The following AP5S1 variants were observed in gnomAD, a reference collection of about 807,000 sequenced individuals.
AP5S1 encodes the protein adaptor related protein complex 5 subunit sigma 1.
A neutral mutation model predicts 13.9 loss-of-function variants in AP5S1; 13 were observed. That is an observed-to-expected ratio of 0.94 (90% CI 0.61 to 1.49). The LOEUF is 1.49. Among genes scored for constraint, AP5S1 ranks in the 40% most tolerant of loss-of-function variants. The probability of loss-of-function intolerance (pLI) is 0.00; values close to 1 mark genes in which losing one functional copy is unlikely to be tolerated. For missense variants in AP5S1, 292 were observed against 272.3 expected, an observed-to-expected ratio of 1.07 and a Z score of -0.51; for synonymous variants, 132 against 121.8, an observed-to-expected ratio of 1.08 and a Z score of -0.55.
In AP5S1 at chr20:3,824,397, C is replaced by T. The variant is rs1306871527; in HGVS notation, c.*100C>T. On this transcript the variant is annotated 3_prime_UTR_variant, in exon 3 of 3. Coordinates refer to ENST00000615891, the MANE Select transcript of AP5S1 (RefSeq NM_018347.3). ...CCTACCCAGCAGCTCTGATGTGCTG[C>T]TATACCAGGACAAGTGGGTGACACA... The T allele has an allele frequency of 8.1e-7, 1 of 1,239,352 alleles. No individual in the cohort carries two copies. Among genetic ancestry groups the T allele is most frequent in the Admixed American group, 2.3e-5 (1 of 43,892 alleles). The allele number at this position is 1,239,352 out of a possible 1,614,324, so 76.8% of individuals were successfully genotyped here.
In AP5S1 at chr20:3,824,199, A is replaced by T; in HGVS notation, c.505A>T (p.Ile169Phe). 2 of 1,614,186 alleles carry T rather than the reference A, an allele frequency of 1.2e-6. No individual in the cohort carries two copies. Among genetic ancestry groups the T allele is most frequent in the South Asian group, 2.2e-5 (2 of 91,088 alleles). ...GCTGCGGGCTGACCGCATTGAGGGC[A>T]TCCTCACCCGCTTCCTGCCACATGG... ...LLLRADRIEG[I>F]LTRFLPHGQL... Residue 169 changes from isoleucine (I) to phenylalanine (F), a missense_variant, in exon 3 of 3, where the codon ATC becomes TTC. Ile to Phe is a conservative substitution (Grantham distance 21). Transcript: ENST00000615891.
At position 3,824,493 on chromosome 20, in the gene AP5S1, A is replaced by G. The variant is rs1393719483; in HGVS notation, c.*196A>G. On this transcript the variant is annotated 3_prime_UTR_variant, in exon 3 of 3. Coordinates refer to ENST00000615891, the MANE Select transcript of AP5S1 (RefSeq NM_018347.3). The stretch of plus-strand genomic sequence containing the variant: ...TGTCCTCAGGTTAGTGGAACCACAG[A>G]ACTTCCTGAGCCTAGAGCTGCTGTG... 3 of 621,348 alleles carry G rather than the reference A, an allele frequency of 4.8e-6. No homozygotes were observed. The highest frequency in any genetic ancestry group is 8.4e-6 in the Non-Finnish European group (3 of 358,950). 38.5% of individuals were successfully genotyped at this position (621,348 alleles called of 1,614,324 possible). A position where few individuals can be genotyped will look rare whatever the true frequency, so the allele number is the denominator to read the frequency against.
chr20:3,821,279 C>T (rs1366242259), intron 1 of AP5S1, among the ~76,000 whole-genome samples: 1 of 152,144 alleles, frequency 6.6e-6, no homozygotes, highest in African/African-American at 2.4e-5. Flanking sequence ...TAACATTGGT[C>T]AAGACTTTTT....
rs570370452 is a variant in AP5S1 at position 3,827,763 on chromosome 20, C to CTT, written c.*3481_*3482dup. 55 of 136,790 alleles carry CTT rather than the reference C, an allele frequency of 4.0e-4. No homozygotes were observed. The highest frequency in any genetic ancestry group is 1.2e-3 in the African/African-American group (45 of 37,094). The allele number at this position is 136,790 out of a possible 1,614,324, so 8.5% of individuals were successfully genotyped here. On this transcript the variant is annotated 3_prime_UTR_variant, in exon 3 of 3. Transcript: ENST00000615891. The stretch of plus-strand genomic sequence containing the variant: ...GGGCTCAATGTTTTCTTTTCTTTTT[C>CTT]TTTTTTTTTTTTTTTTGAGATGGAG...
At chr20:3,820,867 G>A (rs1390200480) in intron 1 of AP5S1, 109 bp downstream of exon 1, 1 of 152,262 alleles carries the variant, frequency 6.6e-6, no homozygotes, top group Non-Finnish European at 1.5e-5. Flanking sequence ...CAGCAATTGG[G>A]TGCTGGGCTC....
chr20:3,820,909 T>C (rs1568521738), intron 1 of AP5S1, 151 bp downstream of exon 1: 1 of 152,210 alleles, frequency 6.6e-6, no homozygotes, highest in East Asian at 1.9e-4. Context: ...GAACCTGCTA[T>C]TTTACCAGTT....
At position 3,827,699 on chromosome 20, in the gene AP5S1, C is replaced by T. The variant is rs2089632588; in HGVS notation, c.*3402C>T. On this transcript the variant is annotated 3_prime_UTR_variant, in exon 3 of 3. Coordinates refer to ENST00000615891, the MANE Select transcript of AP5S1 (RefSeq NM_018347.3). ...CTCCTTTAGGGCAGGGTGTTTTTTT[C>T]TAGCCCTGTGGTGCTGCGCACTGTC... 6.6e-6 allele frequency: 1 copy of T among 151,936 alleles called. No individual in the cohort carries two copies. Among genetic ancestry groups the T allele is most frequent in the South Asian group, 2.1e-4 (1 of 4,822 alleles). 9.4% of individuals were successfully genotyped at this position (151,936 alleles called of 1,614,324 possible).
chr20:3,828,763 A>G lies in AP5S1; in HGVS notation c.*4466A>G, dbSNP rs569199938. Reference sequence around the variant, plus strand: ...ATAGTATTCCATTATGTGGATGTACATTATCTGTTCACCTACTGAAGGACA... The same window carrying G: ...ATAGTATTCCATTATGTGGATGTACGTTATCTGTTCACCTACTGAAGGACA... On this transcript the variant is annotated 3_prime_UTR_variant, in exon 3 of 3. Transcript: ENST00000615891. 2 of 152,368 alleles carry G rather than the reference A, an allele frequency of 1.3e-5. No individual in the cohort carries two copies. The highest frequency in any genetic ancestry group is 2.9e-5 in the Non-Finnish European group (2 of 68,046). The allele number at this position is 152,368 out of a possible 1,614,324, so 9.4% of individuals were successfully genotyped here. A position where few individuals can be genotyped will look rare whatever the true frequency, so the allele number is the denominator to read the frequency against.
Position 3,824,011 on chromosome 20 carries a change from T to G in AP5S1, c.317T>G (p.Phe106Cys). The G allele has an allele frequency of 6.2e-7, 1 of 1,613,574 alleles. No individual in the cohort carries two copies. Among genetic ancestry groups the G allele is most frequent in the Non-Finnish European group, 8.5e-7 (1 of 1,180,012 alleles). The stretch of plus-strand genomic sequence containing the variant: ...TTCCGCCTGGCAGCAGAGAACCCTT[T>G]CCAGGAGCCACGGACGGTGGTGTGG... ...GAFRLAAENP[F>C]QEPRTVVWLG... Residue 106 changes from phenylalanine (F) to cysteine (C), a missense_variant, in exon 3 of 3, where the codon TTC becomes TGC. Physicochemically the swap from Phe to Cys is radical, Grantham distance 205. Transcript: ENST00000615891.
At position 3,826,141 on chromosome 20, in the gene AP5S1, G is replaced by A. The variant is rs1357059395; in HGVS notation, c.*1844G>A. On this transcript the variant is annotated 3_prime_UTR_variant, in exon 3 of 3. Transcript: ENST00000615891. ...GATGGACCCAACTACACCCACTTTG[G>A]AGGCAGCACTGATGATTAGCCCTTC... 2 of 152,176 alleles carry A rather than the reference G, an allele frequency of 1.3e-5. No individual in the cohort carries two copies. The highest frequency in any genetic ancestry group is 1.5e-5 in the Non-Finnish European group (1 of 68,036). 9.4% of individuals were successfully genotyped at this position (152,176 alleles called of 1,614,324 possible).
At position 3,822,201 on chromosome 20, in the gene AP5S1, C is replaced by G; in HGVS notation, c.84C>G (p.Val28=). The part of the protein sequence containing the change: ...TGLCRVLYSC[V]FGAEKSPDDP... ...TTTGCCGAGTGCTGTACTCCTGCGT[C>G]TTCGGTGCTGAGAAGTCACCTGATG... The change falls in exon 2 of 3, where the codon GTC becomes GTG. Residue 28 remains valine (V), a synonymous_variant. Coordinates refer to ENST00000615891, the MANE Select transcript of AP5S1 (RefSeq NM_018347.3). The G allele has an allele frequency of 6.2e-7, 1 of 1,614,198 alleles. No homozygotes were observed. The highest frequency in any genetic ancestry group is 8.5e-7 in the Non-Finnish European group (1 of 1,180,038).
At position 3,822,115 on chromosome 20, in the gene AP5S1, G is replaced by T. The variant is rs755761975; in HGVS notation, c.-3G>T. On this transcript the variant is annotated 5_prime_UTR_variant, in exon 2 of 3. Coordinates refer to ENST00000615891, the MANE Select transcript of AP5S1 (RefSeq NM_018347.3). ...GCTTCCCTGTAGCACCCACCCTGGA[G>T]CCATGGTCCACGCCTTCCTCATTCA... 1 of 1,612,856 alleles carries T rather than the reference G, an allele frequency of 6.2e-7. No homozygotes were observed. The highest frequency in any genetic ancestry group is 8.5e-7 in the Non-Finnish European group (1 of 1,179,448).
rs760107239 is a variant in AP5S1 at position 3,822,228 on chromosome 20, C to G, written c.111C>G (p.Asp37Glu). The change falls in exon 2 of 3, where the codon GAC (aspartate) becomes GAG (glutamate). Residue 37 changes from aspartate (D) to glutamate (E), a missense_variant. Asp to Glu is a conservative substitution (Grantham distance 45, BLOSUM62 2). Coordinates refer to ENST00000615891, the MANE Select transcript of AP5S1 (RefSeq NM_018347.3). ...TCGGTGCTGAGAAGTCACCTGATGA[C>G]CCACGGCCGCATGGTGCCGAGAGGG... ...CVFGAEKSPD[D>E]PRPHGAERDR... The G allele has an allele frequency of 4.3e-6, 7 of 1,614,160 alleles. No homozygotes were observed. Among genetic ancestry groups the G allele is most frequent in the Non-Finnish European group, 5.9e-6 (7 of 1,180,016 alleles).
In AP5S1 at chr20:3,824,168, C is replaced by A. The variant is rs1287133298; in HGVS notation, c.474C>A (p.Ser158Arg). The stretch of plus-strand genomic sequence containing the variant: ...TCCGGCTGCTGGCGCCCAGCACCAG[C>A]CTTCTGCTGCGGGCTGACCGCATTG... ...DHLRLLAPST[S>R]LLLRADRIEG... The change falls in exon 3 of 3, where the codon AGC becomes AGA. Residue 158 changes from serine (S) to arginine (R), a missense_variant. Transcript: ENST00000615891. 8.7e-6 allele frequency: 14 copies of A among 1,614,012 alleles called. No homozygotes were observed. Among genetic ancestry groups the A allele is most frequent in the Non-Finnish European group, 1.2e-5 (14 of 1,180,048 alleles).
At position 3,825,934 on chromosome 20, in the gene AP5S1, C is replaced by A. The variant is rs751768553; in HGVS notation, c.*1637C>A. ...TGGTTAGGAGGTCTTCAATCAGCAGCTTCTAGTGAAGGTTTAAACTTACTC... is the reference window on the plus strand; with the variant it reads ...TGGTTAGGAGGTCTTCAATCAGCAGATTCTAGTGAAGGTTTAAACTTACTC... On this transcript the variant is annotated 3_prime_UTR_variant, in exon 3 of 3. Coordinates refer to ENST00000615891, the MANE Select transcript of AP5S1 (RefSeq NM_018347.3). 1 of 129,564 alleles carries A rather than the reference C, an allele frequency of 7.7e-6. No homozygotes were observed. The highest frequency in any genetic ancestry group is 1.5e-5 in the Non-Finnish European group (1 of 65,174). The allele number at this position is 129,564 out of a possible 1,614,324, so 8.0% of individuals were successfully genotyped here.
intron 2 of AP5S1, 103 bp from the exon 3 acceptor site, chr20:3,823,768 C>T: frequency 1.3e-6 from 2 of 1,519,656 alleles, no homozygotes; most frequent in Non-Finnish European, 1.8e-6. Context: ...AGTTTTCTCA[C>T]TTGAGATATG....
At position 3,824,530 on chromosome 20, in the gene AP5S1, G is replaced by A. The variant is rs965014471; in HGVS notation, c.*233G>A. On this transcript the variant is annotated 3_prime_UTR_variant, in exon 3 of 3. Transcript: ENST00000615891. ...CTAGAGCTGCTGTGTTACTTAGACC[G>A]CTGCCGTGCGGCAGCCACGCTTGTC... 44 of 565,212 alleles carry A rather than the reference G, an allele frequency of 7.8e-5. No homozygotes were observed. The highest frequency in any genetic ancestry group is 5.8e-4 in the African/African-American group (31 of 53,386). The allele number at this position is 565,212 out of a possible 1,614,324, so 35.0% of individuals were successfully genotyped here.
rs368990258 is a variant in AP5S1 at position 3,823,542 on chromosome 20, C to T, written c.177-329C>T. 9.7e-5 allele frequency: 96 copies of T among 985,284 alleles called. No individual in the cohort carries two copies. In the East Asian group the frequency reaches 2.4e-3, roughly 24 times the overall value. The allele number at this position is 985,284 out of a possible 1,614,324, so 61.0% of individuals were successfully genotyped here. On this transcript the variant is annotated intron_variant, in intron 2 of 2. Transcript: ENST00000615891. Reference sequence around the variant, plus strand: ...CTGGGATTACAGGCTTGAGCCACCGCGCCTGGCCAAGCCGCTTCCCTTTCC... The same window carrying T: ...CTGGGATTACAGGCTTGAGCCACCGTGCCTGGCCAAGCCGCTTCCCTTTCC...
chr20:3,823,990 G>A lies in AP5S1; in HGVS notation c.296G>A (p.Arg99His), dbSNP rs750751392. ...PLHEAPRGAF[R>H]LAAENPFQEP... ...CACGAGGCCCCACGTGGGGCTTTCC[G>A]CCTGGCAGCAGAGAACCCTTTCCAG... The change falls in exon 3 of 3, where the codon CGC (arginine) becomes CAC (histidine). Residue 99 changes from arginine (R) to histidine (H), a missense_variant. Transcript: ENST00000615891. The A allele has an allele frequency of 3.3e-5, 54 of 1,612,522 alleles. No homozygotes were observed. Among genetic ancestry groups the A allele is most frequent in the South Asian group, 1.8e-4 (16 of 91,092 alleles).
Sources: gnomAD v4.1 joint callset for allele counts (sites outside exome capture counted in the v4.1 genomes callset) on GRCh38, gnomAD v4.1.1 for gene constraint, MANE v1.5 for transcripts, NCBI Gene and HGNC (gene_info 2026-07-23, HGNC 2026-07-21) for gene names.